The following DCC variants were observed in gnomAD, a reference collection of about 807,000 sequenced individuals.
The protein encoded by DCC is DCC netrin 1 receptor.
DCC carries 58 observed loss-of-function variants against 172.5 expected under a neutral mutation model. That is an observed-to-expected ratio of 0.34 (90% CI 0.27 to 0.42). DCC has a LOEUF of 0.42. DCC is among the 10% of genes least tolerant of loss of function. The pLI is 1.00. For missense variants in DCC, 1,740 were observed against 1,791.0 expected (o/e 0.97, Z 0.51); for synonymous variants, 709 against 644.5 (o/e 1.10, Z -1.52).
chr18:53,494,461 T>C (rs1041937588), intron 26 of DCC, among the ~76,000 whole-genome samples: 5 of 152,218 alleles, frequency 3.3e-5, no homozygotes, highest in African/African-American at 1.2e-4. Context: ...TCTTTGTAGG[T>C]CTATAAGAAC....
At chr18:52,732,241 G>A (rs1437009681) in intron 1 of DCC, among the ~76,000 whole-genome samples, 1 of 152,148 alleles carries the variant, frequency 6.6e-6, no homozygotes, top group East Asian at 1.9e-4. Flanking sequence ...AAGGTGGTTA[G>A]AATTTAAGAC....
intron 15 of DCC, among the ~76,000 whole-genome samples, chr18:53,376,190 G>A (rs62098042): frequency 0.3 from 44,987 of 151,654 alleles, 8,521 homozygotes; most frequent in Non-Finnish European, 0.44. Context: ...TCAGGAGTTC[G>A]AGAACAACCT....
chr18:53,229,774 A>G (rs1013274561), intron 12 of DCC, among the ~76,000 whole-genome samples: 27 of 152,256 alleles, frequency 1.8e-4, no homozygotes, highest in Admixed American at 6.6e-5. Flanking sequence ...GGAAAAAAAA[A>G]TGTAGTTTAA....
chr18:53,349,902 T>C lies in DCC; in HGVS notation c.2359+9995T>C, dbSNP rs144916478. 1.2e-4 allele frequency among the ~76,000 whole-genome samples: 18 copies of C among 152,260 alleles called. 2 individuals are homozygous for C. In the East Asian group the frequency reaches 2.9e-3, roughly 24 times the overall value. On this transcript the variant is annotated intron_variant, in intron 15 of 28. Transcript: ENST00000442544. ...AGCCAAACCATGTCAGTTGCAAAAA[T>C]AGAATTTTAAAGCAATCTTCTCACT... is the stretch of plus-strand genomic sequence containing the variant.
At chr18:53,521,034 T>A (rs1407172472) in intron 27 of DCC, among the ~76,000 whole-genome samples, 1 of 152,050 alleles carries the variant, frequency 6.6e-6, no homozygotes, top group Non-Finnish European at 1.5e-5. Context: ...AGTATTCTCT[T>A]CAACAAAATA....
chr18:53,257,133 A>G (rs2056528038), intron 12 of DCC, among the ~76,000 whole-genome samples: 1 of 152,188 alleles, frequency 6.6e-6, no homozygotes, highest in Non-Finnish European at 1.5e-5. Context: ...GGGGTTTTCT[A>G]GATGTACAAT....
intron 5 of DCC, among the ~76,000 whole-genome samples, chr18:52,939,838 G>A (rs1235497448): frequency 6.6e-6 from 1 of 152,074 alleles, no homozygotes; most frequent in Non-Finnish European, 1.5e-5. Flanking sequence ...GTGCAGAAAA[G>A]AATACCAGGA....
intron 7 of DCC, among the ~76,000 whole-genome samples, chr18:53,155,035 C>T (rs897809192): frequency 2.6e-5 from 4 of 151,606 alleles, no homozygotes; most frequent in South Asian, 2.1e-4. Flanking sequence ...GAGAGCAAGG[C>T]GAAATTTTAT....
At chr18:52,647,363 C>T (rs1459316553) in intron 1 of DCC, among the ~76,000 whole-genome samples, 1 of 152,148 alleles carries the variant, frequency 6.6e-6, no homozygotes, top group East Asian at 1.9e-4. Flanking sequence ...AGCCTGATTA[C>T]TTCTATTCAA....
chr18:52,876,216 C>T (rs1375350420), intron 2 of DCC, among the ~76,000 whole-genome samples: 1 of 152,088 alleles, frequency 6.6e-6, no homozygotes, highest in African/African-American at 2.4e-5. Flanking sequence ...AAGTTGGTGG[C>T]CACTTTTCTG....
chr18:53,195,539 G>A (rs1289797840), intron 9 of DCC, among the ~76,000 whole-genome samples: 2 of 151,978 alleles, frequency 1.3e-5, no homozygotes, highest in African/African-American at 2.4e-5. Context: ...GTTCATCTTG[G>A]AATTATTCTC....
At chr18:53,038,279 A>G (rs946961290) in intron 5 of DCC, among the ~76,000 whole-genome samples, 3 of 152,012 alleles carry the variant, frequency 2.0e-5, no homozygotes, top group African/African-American at 4.8e-5. Flanking sequence ...ATAATAATAC[A>G]TATGTAATAA....
chr18:53,027,552 A>G (rs1290519155), intron 5 of DCC, among the ~76,000 whole-genome samples: 2 of 152,180 alleles, frequency 1.3e-5, no homozygotes, highest in Non-Finnish European at 2.9e-5. Context: ...GTAGAGCTTC[A>G]GGTCCTCTGT....
chr18:53,204,187 AG>A (rs1411952052), intron 9 of DCC, among the ~76,000 whole-genome samples: 3 of 32,188 alleles, frequency 9.3e-5, no homozygotes, highest in Non-Finnish European at 2.4e-4. Flanking sequence ...TAGGGAAAAA[AG>A]AAAAAAAAAC....
At chr18:53,403,973 G>A (rs139068888) in intron 19 of DCC, among the ~76,000 whole-genome samples, 277 of 152,192 alleles carry the variant, frequency 1.8e-3, no homozygotes, top group African/African-American at 6.4e-3. Context: ...TGACAAATAT[G>A]GAAAAAGAAG....
intron 12 of DCC, among the ~76,000 whole-genome samples, chr18:53,258,767 T>G (rs935782872): frequency 1.3e-5 from 2 of 152,222 alleles, no homozygotes; most frequent in Non-Finnish European, 2.9e-5. Flanking sequence ...TGGATATCCT[T>G]TTTAACTTTC....
chr18:53,472,512 C>G (rs942133271), intron 25 of DCC, among the ~76,000 whole-genome samples: 1 of 152,152 alleles, frequency 6.6e-6, no homozygotes, highest in Non-Finnish European at 1.5e-5. Context: ...TTATTGCTTT[C>G]TTCTCAAACA....
At chr18:52,644,578 C>CAA (rs34472651) in intron 1 of DCC, among the ~76,000 whole-genome samples, 50,214 of 112,556 alleles carry the variant, frequency 0.45, 11,785 homozygotes, top group East Asian at 0.63. Flanking sequence ...GACTCCGTCT[C>CAA]AAAAAAAAAA....
chr18:53,178,489 C>T (rs754098295), intron 8 of DCC, among the ~76,000 whole-genome samples: 3 of 152,142 alleles, frequency 2.0e-5, no homozygotes, highest in Admixed American at 6.5e-5. Flanking sequence ...TAAGCATCTG[C>T]GTTTTCCTTT....
Sources: allele counts gnomAD v4.1 joint callset (sites outside exome capture counted in the v4.1 genomes callset), GRCh38; gene constraint gnomAD v4.1.1; transcripts MANE v1.5; gene names NCBI Gene and HGNC (gene_info 2026-07-23, HGNC 2026-07-21).